The following HAO2 variants were observed in gnomAD, a reference collection of about 807,000 sequenced individuals.
HAO2 encodes 2-Hydroxyacid oxidase 2.
HAO2 carries 42 observed loss-of-function variants against 37.4 expected under a neutral mutation model. That is an observed-to-expected ratio of 1.12 (90% CI 0.88 to 1.45). HAO2 has a LOEUF of 1.45. Ranked by LOEUF, HAO2 falls within the 40% of genes most tolerant of loss-of-function variation. The pLI is 0.00. For synonymous variants in HAO2, 180 were observed against 162.8 expected (o/e 1.11, Z -0.81); for missense variants, 476 against 430.2 (o/e 1.11, Z -0.94).
At chr1:119,377,408 G>C (rs1649555610) in intron 1 of HAO2, among the ~76,000 whole-genome samples, 1 of 152,130 alleles carries the variant, frequency 6.6e-6, no homozygotes, top group Non-Finnish European at 1.5e-5. Flanking sequence ...CAAAATTTTA[G>C]TCAAAGCCAT....
chr1:119,375,152 T>C (rs140875966), intron 1 of HAO2, among the ~76,000 whole-genome samples: 5 of 152,180 alleles, frequency 3.3e-5, no homozygotes, highest in Admixed American at 3.3e-4. Flanking sequence ...GAAAAAACAT[T>C]GAAATGGAGA....
intron 6 of HAO2, 113 bp downstream of exon 6, chr1:119,392,381 T>C (rs1203464340): frequency 1.1e-6 from 1 of 915,164 alleles, no homozygotes; most frequent in Non-Finnish European, 1.7e-6. Flanking sequence ...TCCTAAAGGA[T>C]AGTTACACCT....
Position 119,393,919 on chromosome 1 carries a change from C to A in HAO2, c.*79C>A. The A allele has an allele frequency of 6.2e-7, 1 of 1,603,874 alleles. No homozygotes were observed. Among genetic ancestry groups the A allele is most frequent in the Non-Finnish European group, 8.5e-7 (1 of 1,172,392 alleles). On this transcript the variant is annotated 3_prime_UTR_variant, in exon 8 of 8. Coordinates refer to ENST00000325945, the MANE Select transcript of HAO2 (RefSeq NM_016527.4). ...CTCACAGCACAGTGTGTGATGCTGT[C>A]CTTCCTGGACCCCATTCTGTCCGGA...
chr1:119,380,965 G>A (rs1372557487), intron 1 of HAO2, 113 bp from the exon 2 acceptor site: 5 of 897,662 alleles, frequency 5.6e-6, no homozygotes, highest in African/African-American at 1.6e-5. Context: ...AAGAATACAG[G>A]GAGACCAATG....
chr1:119,374,565 A>T (rs1398362184), intron 1 of HAO2, among the ~76,000 whole-genome samples: 1 of 152,216 alleles, frequency 6.6e-6, no homozygotes, highest in Non-Finnish European at 1.5e-5. Context: ...CTGGAAGGAC[A>T]CCATCCTATA....
intron 4 of HAO2, 52 bp downstream of exon 4, chr1:119,385,105 T>G: frequency 6.4e-7 from 1 of 1,569,990 alleles, no homozygotes; most frequent in Non-Finnish European, 8.6e-7. Flanking sequence ...GCAAATTTCC[T>G]TCCCTCTTTT....
At chr1:119,379,279 A>G (rs587656373) in intron 1 of HAO2, among the ~76,000 whole-genome samples, 4 of 152,294 alleles carry the variant, frequency 2.6e-5, no homozygotes, top group African/African-American at 9.6e-5. Context: ...AGAGTCCCAG[A>G]GGAGAAGCAA....
Position 119,392,667 on chromosome 1 carries a change from A to G in HAO2, c.980A>G (p.His327Arg), listed in dbSNP as rs1651009509. The G allele has an allele frequency of 1.2e-6, 2 of 1,604,332 alleles. No individual in the cohort carries two copies. Among genetic ancestry groups the G allele is most frequent in the Non-Finnish European group, 1.7e-6 (2 of 1,171,196 alleles). The change falls in exon 7 of 8, where the codon CAC (histidine) becomes CGC (arginine). Residue 327 changes from histidine (H) to arginine (R), a missense_variant. His to Arg is a conservative substitution (Grantham distance 29, BLOSUM62 0). Transcript: ENST00000325945. ...EVLNILTNEFHTSMALTGCRS... is the reference protein window; with the variant it reads ...EVLNILTNEFRTSMALTGCRS... Reference sequence around the variant, plus strand: ...TTGAACATTTTAACAAATGAGTTCCACACTTCCATGGCCCTTACAGGTAAG... The same window carrying G: ...TTGAACATTTTAACAAATGAGTTCCGCACTTCCATGGCCCTTACAGGTAAG...
At chr1:119,387,159 ATAAT>A (rs1650460444) in intron 5 of HAO2, among the ~76,000 whole-genome samples, 2 of 152,218 alleles carry the variant, frequency 1.3e-5, no homozygotes, top group African/African-American at 4.8e-5. Context: ...AAGATAATAA[ATAAT>A]TAATGTTGAA....
At chr1:119,372,870 A>G (rs1485576468) in intron 1 of HAO2, among the ~76,000 whole-genome samples, 1 of 152,228 alleles carries the variant, frequency 6.6e-6, no homozygotes, top group Non-Finnish European at 1.5e-5. Context: ...ATGCTGAACT[A>G]GAATGTTCAT....
At chr1:119,383,337 G>T (rs587711806) in intron 3 of HAO2, among the ~76,000 whole-genome samples, 1 of 152,348 alleles carries the variant, frequency 6.6e-6, no homozygotes, top group East Asian at 1.9e-4. Context: ...CCTCAGAACA[G>T]GGGTGCTGGC....
rs770738617 is a variant in HAO2 at position 119,392,155 on chromosome 1, GA to G, written c.819del (p.Val274SerfsTer14). Reference protein sequence around the residue: ...EVVAAVKGKIEVYLDGGVRTG... With the variant: ...EVVAAVKGKIXVYLDGGVRTG... ...GGTGGCTGCTGTAAAGGGGAAAATTGAAGTCTACCTGGATGGCGGGGTCCGA... is the reference window on the plus strand; with the variant it reads ...GGTGGCTGCTGTAAAGGGGAAAATTGAGTCTACCTGGATGGCGGGGTCCGA... On this transcript the variant is annotated frameshift_variant, in exon 6 of 8. Transcript: ENST00000325945. LOFTEE classifies it high-confidence loss of function. 1.9e-6 allele frequency: 3 copies of G among 1,613,232 alleles called. No homozygotes were observed. In the Admixed American group the frequency reaches 5.0e-5, roughly 27 times the overall value.
At position 119,392,495 on chromosome 1, in the gene HAO2, A is replaced by C. The variant is rs963234077; in HGVS notation, c.931-123A>C. The C allele has an allele frequency of 7.7e-6, 6 of 783,336 alleles. No individual in the cohort carries two copies. In the African/African-American group the frequency reaches 8.6e-5, roughly 11 times the overall value. 48.5% of individuals were successfully genotyped at this position (783,336 alleles called of 1,614,324 possible). On this transcript the variant is annotated intron_variant, in intron 6 of 7. Coordinates refer to ENST00000325945, the MANE Select transcript of HAO2 (RefSeq NM_016527.4). ...TTCCTTTATTCCCAAGGTAATTCTCACTTCACAGATAATCCCCATCTTTCC... is the reference window on the plus strand; with the variant it reads ...TTCCTTTATTCCCAAGGTAATTCTCCCTTCACAGATAATCCCCATCTTTCC...
At chr1:119,374,929 T>C (rs587619158) in intron 1 of HAO2, among the ~76,000 whole-genome samples, 4 of 152,230 alleles carry the variant, frequency 2.6e-5, no homozygotes, top group Non-Finnish European at 4.4e-5. Flanking sequence ...CAACAGGTAC[T>C]CCTGAATGTC....
chr1:119,388,549 A>G (rs1254480059), intron 5 of HAO2, among the ~76,000 whole-genome samples: 3 of 152,176 alleles, frequency 2.0e-5, no homozygotes, highest in Non-Finnish European at 2.9e-5. Flanking sequence ...CTTCACATCC[A>G]AACTCAAGTT....
chr1:119,370,872 G>C (rs1246585455), intron 1 of HAO2, among the ~76,000 whole-genome samples: 4 of 152,180 alleles, frequency 2.6e-5, no homozygotes, highest in Non-Finnish European at 4.4e-5. Context: ...TCTCTCTCCT[G>C]CTACAACCCA....
chr1:119,377,640 A>G (rs1649575650), intron 1 of HAO2, among the ~76,000 whole-genome samples: 1 of 152,252 alleles, frequency 6.6e-6, no homozygotes, highest in Non-Finnish European at 1.5e-5. Flanking sequence ...ATAAAGAAAA[A>G]CAGGCTTAAT....
chr1:119,393,450 A>T (rs1471865160), intron 7 of HAO2, among the ~76,000 whole-genome samples: 3 of 152,160 alleles, frequency 2.0e-5, no homozygotes, highest in Non-Finnish European at 4.4e-5. Flanking sequence ...TCCCGAAAAG[A>T]TACTTCCTAT....
intron 5 of HAO2, among the ~76,000 whole-genome samples, chr1:119,388,628 G>A (rs1014649133): frequency 6.6e-6 from 1 of 152,164 alleles, no homozygotes; most frequent in Non-Finnish European, 1.5e-5. Flanking sequence ...ACCTGACCCT[G>A]TGCTTGTATA....
Sources: gnomAD v4.1 joint callset for allele counts (sites outside exome capture counted in the v4.1 genomes callset) on GRCh38, gnomAD v4.1.1 for gene constraint, MANE v1.5 for transcripts, NCBI Gene and HGNC (gene_info 2026-07-23, HGNC 2026-07-21) for gene names.